Variants in VIPR2 observed in about 807,000 individuals in gnomAD.
VIPR2 encodes vasoactive intestinal peptide receptor 2.
Under a neutral mutation model 58.0 loss-of-function variants are expected in VIPR2, and 48 were observed. The observed-to-expected ratio is 0.83, with a 90% CI of 0.66 to 1.05. The LOEUF is 1.05. Ranked by LOEUF, VIPR2 falls within the 50% of genes least tolerant of loss-of-function variation. The pLI, the probability that VIPR2 is intolerant of heterozygous loss-of-function variation, is 0.00. For synonymous variants in VIPR2, 243 were observed against 235.2 expected (o/e 1.03, Z -0.30); for missense variants, 534 against 558.0 (o/e 0.96, Z 0.43).
In VIPR2 at chr7:159,063,601, G is replaced by T. The variant is rs572144504; in HGVS notation, c.358-5023C>A. On this transcript the variant is annotated intron_variant, in intron 4 of 12. Transcript: ENST00000262178. ...CCACAGTGCAGCGGCGGGCTGAAGC[G>T]CTCCTCAAGCGCGGCCAGAGTGGGC... 1.5e-3 allele frequency among the ~76,000 whole-genome samples: 229 copies of T among 151,548 alleles called. 2 individuals carry two copies. Among genetic ancestry groups the T allele is most frequent in the African/African-American group, 5.2e-3 (215 of 41,234 alleles).
At chr7:159,038,238 C>T (rs1214341186) in intron 6 of VIPR2, among the ~76,000 whole-genome samples, 4 of 152,140 alleles carry the variant, frequency 2.6e-5, no homozygotes, top group African/African-American at 9.7e-5. Context: ...CAGGCGGCCC[C>T]GACCTCCCCA....
intron 8 of VIPR2, 63 bp downstream of exon 8, chr7:159,035,889 G>T: frequency 6.3e-7 from 1 of 1,580,350 alleles, no homozygotes; most frequent in Non-Finnish European, 8.6e-7. Flanking sequence ...GCTTCCAAAG[G>T]ACTTCATGTT....
intron 4 of VIPR2, among the ~76,000 whole-genome samples, chr7:159,103,318 C>A (rs908149326): frequency 1.3e-5 from 2 of 152,190 alleles, no homozygotes; most frequent in Non-Finnish European, 2.9e-5. Context: ...TAATTGTGAT[C>A]ACATCTCCTG....
chr7:159,142,627 C>T (rs1172595852), intron 1 of VIPR2, 82 bp from the exon 2 acceptor site: 1 of 1,034,936 alleles, frequency 9.7e-7, no homozygotes, highest in African/African-American at 1.6e-5. Flanking sequence ...CAAAAACAAC[C>T]CCAAACCTCA....
intron 4 of VIPR2, among the ~76,000 whole-genome samples, chr7:159,077,090 C>T (rs1232559793): frequency 6.6e-6 from 1 of 152,182 alleles, no homozygotes; most frequent in East Asian, 1.9e-4. Flanking sequence ...TGCATTGAAC[C>T]ACTATCCTTG....
chr7:159,122,550 G>A (rs1796493630), intron 2 of VIPR2, among the ~76,000 whole-genome samples: 1 of 152,182 alleles, frequency 6.6e-6, no homozygotes, highest in African/African-American at 2.4e-5. Flanking sequence ...CCACTGGGTG[G>A]GTCCGGAGGG....
chr7:159,107,372 C>A (rs1272132131), intron 3 of VIPR2, among the ~76,000 whole-genome samples: 1 of 152,234 alleles, frequency 6.6e-6, no homozygotes, highest in Non-Finnish European at 1.5e-5. Context: ...TGAACAGCAG[C>A]TGCTCACAGA....
chr7:159,072,654 T>C (rs1355704212), intron 4 of VIPR2, among the ~76,000 whole-genome samples: 2 of 152,240 alleles, frequency 1.3e-5, no homozygotes, highest in Admixed American at 1.3e-4. Context: ...TTTGTAATTA[T>C]TGATGTATAT....
chr7:159,092,697 CTGGAG>C (rs1857574158), intron 4 of VIPR2, among the ~76,000 whole-genome samples: 1 of 146,514 alleles, frequency 6.8e-6, no homozygotes, highest in Admixed American at 7.0e-5. Context: ...GTTGCCCAGG[CTGGAG>C]TGCAGTGGTG....
rs1441373879 is a variant in VIPR2, at chr7:159,099,975, C to T, written c.357+3782G>A. On this transcript the variant is annotated intron_variant, in intron 4 of 12. Transcript: ENST00000262178. This position sits in a 1 kb window ranked among gnomAD's most constrained non-coding sequence, Gnocchi z 4.2. ...CCCAGGATCCTCCCTGAGGACCTTC[C>T]TCAAGGGCTCACAGCCATGCGTGCT... 1.3e-5 allele frequency among the ~76,000 whole-genome samples: 2 copies of T among 152,180 alleles called. No homozygotes were observed. Among genetic ancestry groups the T allele is most frequent in the Non-Finnish European group, 2.9e-5 (2 of 68,024 alleles).
At chr7:159,037,063 G>A (rs1001148965) in intron 6 of VIPR2, among the ~76,000 whole-genome samples, 161 bp from the exon 7 acceptor site, 3 of 152,140 alleles carry the variant, frequency 2.0e-5, no homozygotes, top group African/African-American at 4.8e-5. Flanking sequence ...AGGCCAGGGC[G>A]CTGGCCAGGA....
rs1444035181 is a variant in VIPR2 at position 159,036,530 on chromosome 7, AG to A, written c.748+221del. 3.3e-5 allele frequency among the ~76,000 whole-genome samples: 5 copies of A among 152,186 alleles called. No homozygotes were observed. In the South Asian group the frequency reaches 8.3e-4, roughly 25 times the overall value. On this transcript the variant is annotated intron_variant, in intron 7 of 12. Coordinates refer to ENST00000262178, the MANE Select transcript of VIPR2 (RefSeq NM_003382.5). ...ACAGCCCAGTTTGAATGGGGGTACA[AG>A]GGGCCAGGAATGGGAGTATTTTAAA...
chr7:159,061,888 G>A (rs1401225619), intron 4 of VIPR2, among the ~76,000 whole-genome samples: 1 of 152,148 alleles, frequency 6.6e-6, no homozygotes, highest in Non-Finnish European at 1.5e-5. Context: ...CGGACGCACT[G>A]CTAGCGGGAG....
chr7:159,119,413 C>A (rs1043497741), intron 2 of VIPR2, among the ~76,000 whole-genome samples: 2 of 152,206 alleles, frequency 1.3e-5, no homozygotes, highest in Non-Finnish European at 2.9e-5. Context: ...CAGGACAACA[C>A]GTGGCCTGCG....
intron 1 of VIPR2, chr7:159,144,374 C>T (rs764603921): frequency 2.6e-5 from 40 of 1,543,270 alleles, no homozygotes; most frequent in Non-Finnish European, 3.4e-5. Flanking sequence ...GCGCAGCCCG[C>T]GCAGGCGCCC....
chr7:159,120,621 C>CCGACA (rs1796419219), intron 2 of VIPR2, among the ~76,000 whole-genome samples: 1 of 152,192 alleles, frequency 6.6e-6, no homozygotes. Context: ...GGAACATGTT[C>CCGACA]CGACACAACA....
At chr7:159,123,249 C>A (rs1011322992) in intron 2 of VIPR2, among the ~76,000 whole-genome samples, 54 of 144,476 alleles carry the variant, frequency 3.7e-4, no homozygotes, top group African/African-American at 1.4e-3. Flanking sequence ...GCCAAGGTCG[C>A]CCCACTGCAC....
chr7:159,113,034 G>A (rs1198129607), intron 2 of VIPR2, among the ~76,000 whole-genome samples: 1 of 152,236 alleles, frequency 6.6e-6, no homozygotes, highest in Non-Finnish European at 1.5e-5. Context: ...CAAGGAGGGG[G>A]AATCCAGAAG....
intron 2 of VIPR2, among the ~76,000 whole-genome samples, chr7:159,129,573 T>C (rs111430156): frequency 6.8e-4 from 1 of 1,466 alleles, no homozygotes; most frequent in Admixed American, 5.5e-3. Flanking sequence ...GGGGACAGGG[T>C]CAGGTGACCA....
Sources: gnomAD v4.1 joint callset for allele counts (sites outside exome capture counted in the v4.1 genomes callset) on GRCh38, gnomAD v4.1.1 for gene constraint, Gnocchi (gnomAD v3.1) non-coding constraint, MANE v1.5 for transcripts, NCBI Gene and HGNC (gene_info 2026-07-23, HGNC 2026-07-21) for gene names.